The following UPP2 variants were observed in gnomAD, a reference collection of about 807,000 sequenced individuals.
UPP2 encodes the protein UPase 2.
UPP2 carries 23 observed loss-of-function variants against 26.7 expected under a neutral mutation model. The ratio of observed to expected loss-of-function variants is 0.86; its 90% CI spans 0.62 to 1.22. The LOEUF is 1.22. Ranked by LOEUF, UPP2 falls within the 50% of genes most tolerant of loss-of-function variation. The pLI is 0.00. For missense variants in UPP2, 387 were observed against 396.7 expected (o/e 0.98, Z 0.21); for synonymous variants, 127 against 141.3 (o/e 0.90, Z 0.72).
Position 158,073,474 on chromosome 2 carries a change from T to C in UPP2, c.148-28566T>C, listed in dbSNP as rs185094726. On this transcript the variant is annotated intron_variant, in intron 3 of 9. Coordinates refer to the UPP2 transcript ENST00000605860. ...CAAAATGTAGAGAAAGATATCAGCA[T>C]TCAAATACAAAAAGGTGATAGAACA... 5.3e-5 allele frequency among the ~76,000 whole-genome samples: 8 copies of C among 152,194 alleles called. No homozygotes were observed. In the East Asian group the frequency reaches 1.5e-3, roughly 29 times the overall value.
At chr2:158,042,832 A>G (rs1000343346) in intron 3 of UPP2, among the ~76,000 whole-genome samples, 5 of 152,082 alleles carry the variant, frequency 3.3e-5, no homozygotes, top group Admixed American at 3.3e-4. Flanking sequence ...GAGGCGCCAC[A>G]CTGTTGGTGG....
chr2:158,070,760 A>AGAG (rs1419295677), intron 3 of UPP2, among the ~76,000 whole-genome samples: 1 of 152,260 alleles, frequency 6.6e-6, no homozygotes, highest in African/African-American at 2.4e-5. Context: ...TATCATTGAA[A>AGAG]GAGGCACTGA....
At chr2:158,094,874 C>T (rs10167313) in intron 3 of UPP2, among the ~76,000 whole-genome samples, 4,082 of 152,256 alleles carry the variant, frequency 0.027, 186 homozygotes, top group African/African-American at 0.09. Context: ...ACTCACAGAG[C>T]TTCCTCCAGC....
intron 6 of UPP2, among the ~76,000 whole-genome samples, chr2:158,129,896 G>A (rs564041230): frequency 1.3e-5 from 2 of 152,170 alleles, no homozygotes; most frequent in South Asian, 4.1e-4. Flanking sequence ...CTCCAGAGTA[G>A]CTGGGACCAC....
At chr2:158,028,509 C>G (rs759807001) in intron 3 of UPP2, among the ~76,000 whole-genome samples, 1 of 152,212 alleles carries the variant, frequency 6.6e-6, no homozygotes, top group East Asian at 1.9e-4. Flanking sequence ...CAACAAGTCT[C>G]TAGGAAGTTC....
chr2:158,099,407 C>G (rs1367578987), upstream of UPP2, among the ~76,000 whole-genome samples: 1 of 152,116 alleles, frequency 6.6e-6, no homozygotes, highest in Non-Finnish European at 1.5e-5. Context: ...TTGGTTACCC[C>G]ATCCCCACTC....
chr2:158,102,039 G>GA lies in UPP2; in HGVS notation c.-25_-24insA, dbSNP rs11368509. 0.045 allele frequency: 72,051 copies of GA among 1,610,214 alleles called. 4,457 individuals are homozygous for GA. The highest frequency in any genetic ancestry group is 0.27 in the African/African-American group (20,046 of 74,494). On this transcript the variant is annotated 5_prime_UTR_variant, in exon 1 of 7. Transcript: ENST00000005756. ...TCTCTCTTTCTTGACATCAATTTAA[G>GA]GTGACTTTTCACATAGTAGAGAGAA... is the stretch of plus-strand genomic sequence containing the variant.
At chr2:158,018,172 A>T (rs1683690732) in intron 3 of UPP2, among the ~76,000 whole-genome samples, 1 of 152,260 alleles carries the variant, frequency 6.6e-6, no homozygotes, top group Non-Finnish European at 1.5e-5. Context: ...CATAGTAAGC[A>T]TTATCCAAAG....
intron 3 of UPP2, among the ~76,000 whole-genome samples, chr2:158,060,837 C>T (rs1197080026): frequency 6.6e-6 from 1 of 152,190 alleles, no homozygotes; most frequent in Non-Finnish European, 1.5e-5. Flanking sequence ...AGGAAGAGAG[C>T]CCTCACCAGA....
chr2:158,061,699 T>C (rs1481893527), intron 3 of UPP2, among the ~76,000 whole-genome samples: 1 of 152,218 alleles, frequency 6.6e-6, no homozygotes, highest in Non-Finnish European at 1.5e-5. Flanking sequence ...ATTTGGATTA[T>C]TTGGGGTTGG....
chr2:158,045,823 C>T (rs567418238), intron 3 of UPP2, among the ~76,000 whole-genome samples: 49 of 152,252 alleles, frequency 3.2e-4, no homozygotes, highest in Middle Eastern at 6.8e-3. Flanking sequence ...CCATCAGCCA[C>T]CACCCAAGCT....
chr2:158,014,468 T>G (rs925077551), intron 2 of UPP2, among the ~76,000 whole-genome samples: 2 of 152,192 alleles, frequency 1.3e-5, no homozygotes, highest in African/African-American at 4.8e-5. Flanking sequence ...CACAATTTCC[T>G]TAATAGTTTT....
chr2:158,121,564 C>G lies in UPP2; in HGVS notation c.610C>G (p.Pro204Ala). 1 of 1,613,468 alleles carries G rather than the reference C, an allele frequency of 6.2e-7. No individual in the cohort carries two copies. Among genetic ancestry groups the G allele is most frequent in the Non-Finnish European group, 8.5e-7 (1 of 1,179,496 alleles). The change falls in exon 5 of 7, where the codon CCC becomes GCC. Residue 204 changes from proline to alanine, a missense_variant. Physicochemically the swap from Pro to Ala is conservative, Grantham distance 27 (BLOSUM62 -1). Coordinates refer to ENST00000005756, the MANE Select transcript of UPP2 (RefSeq NM_173355.4). ...ACTGTTCAACTGTAGCAAAGAAATCCCCAACTTCCCAACCCTCGTTGGACA... is the reference window on the plus strand; with the variant it reads ...ACTGTTCAACTGTAGCAAAGAAATCGCCAACTTCCCAACCCTCGTTGGACA... The part of the protein sequence containing the change: ...EELFNCSKEI[P>A]NFPTLVGHTM...
At chr2:157,999,448 G>T (rs181016341) in intron 2 of UPP2, among the ~76,000 whole-genome samples, 1 of 152,318 alleles carries the variant, frequency 6.6e-6, no homozygotes, top group Non-Finnish European at 1.5e-5. Context: ...AAAGTGCTGG[G>T]ATTACAAGTG....
intron 3 of UPP2, among the ~76,000 whole-genome samples, chr2:158,090,495 C>T (rs916706294): frequency 4.6e-5 from 7 of 151,516 alleles, no homozygotes; most frequent in Admixed American, 1.3e-4. Context: ...AGTGAGACTC[C>T]GTCTCAAAAA....
chr2:157,996,937 T>C (rs932358342), intron 2 of UPP2, among the ~76,000 whole-genome samples: 11 of 152,228 alleles, frequency 7.2e-5, no homozygotes, highest in African/African-American at 2.7e-4. Context: ...TTTTCACTGA[T>C]TGCTTTCATC....
chr2:158,134,516 G>A (rs1305069107), intron 6 of UPP2, among the ~76,000 whole-genome samples: 1 of 152,214 alleles, frequency 6.6e-6, no homozygotes, highest in African/African-American at 2.4e-5. Flanking sequence ...GAGGAAAAGA[G>A]GAAGGAGGAG....
At chr2:158,107,650 G>A (rs928887725) in intron 2 of UPP2, among the ~76,000 whole-genome samples, 20 of 152,086 alleles carry the variant, frequency 1.3e-4, no homozygotes, top group Admixed American at 1.3e-3. Context: ...AGAAAGTAAG[G>A]AAGGAGGGAA....
At position 158,044,241 on chromosome 2, in the gene UPP2, T is replaced by C. The variant is rs562685603; in HGVS notation, c.147+28355T>C. Among the ~76,000 whole-genome samples the C allele has an allele frequency of 5.3e-5, 8 of 152,296 alleles. No homozygotes were observed. In the East Asian group the frequency reaches 1.5e-3, roughly 29 times the overall value. On this transcript the variant is annotated intron_variant, in intron 3 of 9. Transcript: ENST00000605860. ...TGAGAGAGCAAGCACAGACAGGGTGTTCCCCTTTACAGGCCAGTTTTGATG... is the reference window on the plus strand; with the variant it reads ...TGAGAGAGCAAGCACAGACAGGGTGCTCCCCTTTACAGGCCAGTTTTGATG...
Sources: allele counts gnomAD v4.1 joint callset (sites outside exome capture counted in the v4.1 genomes callset), GRCh38; gene constraint gnomAD v4.1.1; transcripts MANE v1.5; gene names NCBI Gene and HGNC (gene_info 2026-07-23, HGNC 2026-07-21).